The following UTRN variants were observed in gnomAD, a reference collection of about 807,000 sequenced individuals.
The protein encoded by UTRN is dystrophin-related protein 1.
In UTRN, 283 loss-of-function variants were observed where a neutral mutation model predicts 463.9. That is an observed-to-expected ratio of 0.61 (90% CI 0.55 to 0.67). UTRN has a LOEUF of 0.67. Ranked by LOEUF, UTRN falls within the 30% of genes least tolerant of loss-of-function variation. The pLI, the probability that UTRN is intolerant of heterozygous loss-of-function variation, is 0.00. For synonymous variants in UTRN, 1,442 were observed against 1,431.5 expected, an observed-to-expected ratio of 1.01 and a Z score of -0.17; for missense variants, 3,922 against 4,084.3, an observed-to-expected ratio of 0.96 and a Z score of 1.08.
chr6:144,643,478 T>G (rs1415920940), intron 51 of UTRN, among the ~76,000 whole-genome samples: 2 of 152,228 alleles, frequency 1.3e-5, no homozygotes, highest in Non-Finnish European at 2.9e-5. Context: ...ATTTATTTTG[T>G]AAATAGTTTT....
At chr6:144,694,954 T>TTC (rs1783834496) in intron 52 of UTRN, among the ~76,000 whole-genome samples, 1 of 148,120 alleles carries the variant, frequency 6.8e-6, no homozygotes, top group South Asian at 2.2e-4. Context: ...AGTCCCCAAA[T>TTC]TCTCTCTCTG....
In UTRN at chr6:144,400,100, A is replaced by T. The variant is rs1213391610; in HGVS notation, c.80-3023A>T. ...ATTAATGGATAAGATTTGCTAAGCC[A>T]GCAAAGGCTTTTAGAAACAAAATGG... On this transcript the variant is annotated intron_variant, in intron 2 of 74. Transcript: ENST00000367545. 2.6e-5 allele frequency among the ~76,000 whole-genome samples: 4 copies of T among 152,340 alleles called. No homozygotes were observed. In the East Asian group the frequency reaches 7.7e-4, roughly 29 times the overall value.
intron 52 of UTRN, among the ~76,000 whole-genome samples, chr6:144,683,462 A>G (rs1202563257): frequency 1.3e-5 from 2 of 152,114 alleles, no homozygotes; most frequent in Non-Finnish European, 2.9e-5. Flanking sequence ...TGTAGAGGCA[A>G]TCCACCTCCC....
At chr6:144,303,052 A>T (rs760194012) in intron 2 of UTRN, among the ~76,000 whole-genome samples, 1 of 152,240 alleles carries the variant, frequency 6.6e-6, no homozygotes, top group Non-Finnish European at 1.5e-5. Flanking sequence ...ACTGTTTTTC[A>T]GAAAGATAAC....
At chr6:144,468,753 T>A (rs1407908859) in intron 23 of UTRN, among the ~76,000 whole-genome samples, 4 of 152,284 alleles carry the variant, frequency 2.6e-5, no homozygotes, top group Middle Eastern at 3.4e-3. Context: ...TCTTTGACGA[T>A]CTTTGTAATC....
chr6:144,726,599 C>G (rs1278633625), intron 53 of UTRN, among the ~76,000 whole-genome samples: 2 of 152,126 alleles, frequency 1.3e-5, no homozygotes, highest in African/African-American at 4.8e-5. Context: ...GAAATGTCAC[C>G]TCTTTTGCAT....
intron 51 of UTRN, among the ~76,000 whole-genome samples, chr6:144,635,697 G>A (rs753452676): frequency 1.3e-5 from 2 of 151,106 alleles, no homozygotes; most frequent in East Asian, 2.0e-4. Context: ...ATGCCACCAC[G>A]CCTGGCTAAT....
chr6:144,335,195 A>G (rs1423398312), intron 2 of UTRN, among the ~76,000 whole-genome samples: 2 of 152,248 alleles, frequency 1.3e-5, no homozygotes, highest in Non-Finnish European at 2.9e-5. Flanking sequence ...TGGAAAGTGA[A>G]GTTTAATGTG....
At chr6:144,487,474 G>T in intron 28 of UTRN, 74 bp from the exon 29 acceptor site, 1 of 1,374,600 alleles carries the variant, frequency 7.3e-7, no homozygotes, top group Admixed American at 2.6e-5. Context: ...TTAACAAATA[G>T]ACATTTTGGG....
intron 3 of UTRN, among the ~76,000 whole-genome samples, chr6:144,415,521 A>G (rs778017811): frequency 2.0e-5 from 3 of 152,128 alleles, no homozygotes; most frequent in East Asian, 1.9e-4. Flanking sequence ...ATTTTTTTCT[A>G]TTACTACTAC....
intron 2 of UTRN, among the ~76,000 whole-genome samples, chr6:144,317,612 G>C (rs1335180956): frequency 6.6e-6 from 1 of 151,998 alleles, no homozygotes; most frequent in African/African-American, 2.4e-5. Context: ...GGCCAGGTTG[G>C]TCTCGAACTC....
At chr6:144,817,882 T>G (rs565021366) in intron 65 of UTRN, among the ~76,000 whole-genome samples, 1 of 152,320 alleles carries the variant, frequency 6.6e-6, no homozygotes, top group Non-Finnish European at 1.5e-5. Context: ...TTTAAAAACA[T>G]GTAAATATGA....
At chr6:144,502,895 C>T (rs1296818396) in intron 34 of UTRN, among the ~76,000 whole-genome samples, 1 of 152,196 alleles carries the variant, frequency 6.6e-6, no homozygotes, top group Non-Finnish European at 1.5e-5. Flanking sequence ...TATTTCTCCA[C>T]ATCCACTCCA....
Position 144,438,813 on chromosome 6 carries a change from C to G in UTRN, c.1310C>G (p.Thr437Arg). ...CAGCTCTCCGCCTGGTTAACACTCA[C>G]AGAGGAGCGCATTCAGAAGATGGAA... ...LQQLSAWLTL[T>R]EERIQKMETC... The change falls in exon 12 of 75, where the codon ACA (threonine) becomes AGA (arginine). Residue 437 changes from threonine (T) to arginine (R), a missense_variant. Coordinates refer to ENST00000367545, the MANE Select transcript of UTRN (RefSeq NM_007124.3). 1.9e-6 allele frequency: 3 copies of G among 1,614,188 alleles called. No homozygotes were observed. The highest frequency in any genetic ancestry group is 2.5e-6 in the Non-Finnish European group (3 of 1,180,044).
chr6:144,461,126 G>T, intron 21 of UTRN, 71 bp from the exon 22 acceptor site: 1 of 1,312,896 alleles, frequency 7.6e-7, no homozygotes. Flanking sequence ...AATTCATTTA[G>T]GATAATGGTC....
chr6:144,412,205 ATT>A (rs1255874814), intron 3 of UTRN, among the ~76,000 whole-genome samples: 4 of 152,170 alleles, frequency 2.6e-5, no homozygotes, highest in Non-Finnish European at 5.9e-5. Context: ...AACATCTATT[ATT>A]TGTTTTATGC....
At chr6:144,704,358 A>AT (rs1389522861) in intron 53 of UTRN, among the ~76,000 whole-genome samples, 1 of 152,226 alleles carries the variant, frequency 6.6e-6, no homozygotes, top group Admixed American at 6.5e-5. Context: ...AAGAACTAAT[A>AT]TTTTAGTGTA....
intron 34 of UTRN, among the ~76,000 whole-genome samples, chr6:144,507,521 C>G (rs779265404): frequency 6.6e-6 from 1 of 152,122 alleles, no homozygotes; most frequent in South Asian, 2.1e-4. Flanking sequence ...TAACAGGCCC[C>G]TCTGCTGCAG....
At chr6:144,727,081 T>G (rs1454466168) in intron 53 of UTRN, among the ~76,000 whole-genome samples, 1 of 152,198 alleles carries the variant, frequency 6.6e-6, no homozygotes, top group Non-Finnish European at 1.5e-5. Context: ...ACACCTAAGT[T>G]GCACAGATCA....
Sources: allele counts gnomAD v4.1 joint callset (sites outside exome capture counted in the v4.1 genomes callset), GRCh38; gene constraint gnomAD v4.1.1; transcripts MANE v1.5; gene names NCBI Gene and HGNC (gene_info 2026-07-23, HGNC 2026-07-21).